The following FAM177A1 variants were observed in gnomAD, a reference collection of about 807,000 sequenced individuals.
FAM177A1 encodes the protein protein FAM177A1.
FAM177A1 carries 22 observed loss-of-function variants against 26.1 expected under a neutral mutation model. The ratio of observed to expected loss-of-function variants is 0.84; its 90% CI spans 0.60 to 1.20. The LOEUF is 1.20. Ranked by LOEUF, FAM177A1 falls within the 50% of genes most tolerant of loss-of-function variation. The pLI, the probability that FAM177A1 is intolerant of heterozygous loss-of-function variation, is 0.00. For synonymous variants in FAM177A1, 95 were observed against 99.3 expected, an observed-to-expected ratio of 0.96 and a Z score of 0.26; for missense variants, 296 against 291.1, an observed-to-expected ratio of 1.02 and a Z score of -0.12.
At chr14:35,051,907 C>CT (rs2044977805) in intron 1 of FAM177A1, among the ~76,000 whole-genome samples, 2 of 152,134 alleles carry the variant, frequency 1.3e-5, no homozygotes, top group South Asian at 4.1e-4. Context: ...CAGTATAATC[C>CT]TTTTTTTGCA....
At chr14:35,064,553 G>C (rs72680660) in intron 2 of FAM177A1, among the ~76,000 whole-genome samples, 2 of 152,040 alleles carry the variant, frequency 1.3e-5, no homozygotes, top group African/African-American at 4.8e-5. Context: ...AGTTAATGAA[G>C]AATTTATACT....
At chr14:35,060,162 A>G (rs1225199465) in intron 2 of FAM177A1, among the ~76,000 whole-genome samples, 3 of 147,766 alleles carry the variant, frequency 2.0e-5, no homozygotes, top group African/African-American at 7.5e-5. Context: ...TTTGGTAGAG[A>G]CTGGGTTTCA....
intron 1 of FAM177A1, among the ~76,000 whole-genome samples, chr14:35,051,308 CAG>C (rs1419607083): frequency 6.6e-6 from 1 of 151,944 alleles, no homozygotes; most frequent in Non-Finnish European, 1.5e-5. Flanking sequence ...TTAGTGGAGA[CAG>C]GGTTTCACCA....
intron 2 of FAM177A1, among the ~76,000 whole-genome samples, chr14:35,073,996 T>C (rs961066706): frequency 6.6e-6 from 1 of 152,230 alleles, no homozygotes; most frequent in African/African-American, 2.4e-5. Context: ...GCTGCTTCTC[T>C]TGTTTTGTTG....
chr14:35,073,062 C>T (rs1201301299), intron 2 of FAM177A1, among the ~76,000 whole-genome samples: 3 of 151,526 alleles, frequency 2.0e-5, no homozygotes, highest in African/African-American at 4.9e-5. Context: ...TATCAGGGTT[C>T]TCTTCTTCTT....
intron 2 of FAM177A1, among the ~76,000 whole-genome samples, chr14:35,072,935 C>G (rs539867376): frequency 4.0e-4 from 61 of 152,182 alleles, no homozygotes; most frequent in Non-Finnish European, 7.3e-4. Context: ...GTGCACAACA[C>G]TTGGGCACAG....
chr14:35,048,766 A>G (rs185710161), intron 1 of FAM177A1, among the ~76,000 whole-genome samples: 112 of 152,050 alleles, frequency 7.4e-4, no homozygotes, highest in African/African-American at 2.4e-3. Context: ...TCTATCTTAC[A>G]CTTCTTCCCA....
chr14:35,046,685 C>T, intron 1 of FAM177A1, 57 bp downstream of exon 1: 1 of 1,487,362 alleles, frequency 6.7e-7, no homozygotes, highest in Non-Finnish European at 9.0e-7. Flanking sequence ...CTTGCCTTCT[C>T]CGCGGGCCGC....
chr14:35,083,189 A>G lies in FAM177A1; in HGVS notation c.*1961A>G, dbSNP rs771571286. 4.6e-5 allele frequency: 7 copies of G among 152,656 alleles called. No homozygotes were observed. The highest frequency in any genetic ancestry group is 4.6e-4 in the Admixed American group (7 of 15,268). 9.5% of individuals were successfully genotyped at this position (152,656 alleles called of 1,614,324 possible). On this transcript the variant is annotated 3_prime_UTR_variant, in exon 5 of 5. Coordinates refer to ENST00000280987, the MANE Select transcript of FAM177A1 (RefSeq NM_173607.5). ...ATCCTGTCTCCCTAGAGGTACTAGT[A>G]TCTAGAGTTTACCCAGAAAATTTTA...
At chr14:35,051,495 A>G (rs1459949837) in intron 1 of FAM177A1, among the ~76,000 whole-genome samples, 1 of 152,002 alleles carries the variant, frequency 6.6e-6, no homozygotes, top group Non-Finnish European at 1.5e-5. Flanking sequence ...TCACTGCAAC[A>G]TCCACCTCCT....
chr14:35,065,155 C>T (rs545297345), intron 2 of FAM177A1, among the ~76,000 whole-genome samples: 3 of 151,032 alleles, frequency 2.0e-5, no homozygotes, highest in Non-Finnish European at 4.4e-5. Context: ...CCTTAAATAA[C>T]TATAATATTT....
chr14:35,078,351 G>A (rs978086658), intron 3 of FAM177A1, among the ~76,000 whole-genome samples: 1 of 152,042 alleles, frequency 6.6e-6, no homozygotes, highest in African/African-American at 2.4e-5. Context: ...AGCTTTCTGA[G>A]TATACATTTT....
In FAM177A1 at chr14:35,068,773, G is replaced by C. The variant is rs550839820; in HGVS notation, c.340-8377G>C. Among the ~76,000 whole-genome samples the C allele has an allele frequency of 4.6e-5, 7 of 152,298 alleles. No individual in the cohort carries two copies. In the East Asian group the frequency reaches 1.3e-3, roughly 29 times the overall value. ...ATTAATAAAGAACAGAACTTCATTGGCTTACAGTTGTGGAGGCTGGGAAGT... is the reference window on the plus strand; with the variant it reads ...ATTAATAAAGAACAGAACTTCATTGCCTTACAGTTGTGGAGGCTGGGAAGT... On this transcript the variant is annotated intron_variant, in intron 2 of 4. Coordinates refer to ENST00000280987, the MANE Select transcript of FAM177A1 (RefSeq NM_173607.5).
intron 2 of FAM177A1, among the ~76,000 whole-genome samples, chr14:35,065,065 AT>A (rs141236387): frequency 0.16 from 24,859 of 150,714 alleles, 2,273 homozygotes; most frequent in African/African-American, 0.23. Flanking sequence ...CTGTCACCAT[AT>A]TTTTTTTTGT....
chr14:35,056,955 G>A (rs901337392), intron 2 of FAM177A1, among the ~76,000 whole-genome samples: 2 of 151,694 alleles, frequency 1.3e-5, no homozygotes, highest in African/African-American at 4.8e-5. Context: ...CTTTCTTTTT[G>A]GTCAATCTAG....
At chr14:35,045,720 A>C (rs754957847), upstream of FAM177A1, among the ~76,000 whole-genome samples, 1 of 152,140 alleles carries the variant, frequency 6.6e-6, no homozygotes, top group Admixed American at 6.6e-5. Context: ...GACGGAAAAA[A>C]TCTGGGACGC....
At position 35,053,039 on chromosome 14, in the gene FAM177A1, CA is replaced by C. The variant is rs779923361; in HGVS notation, c.166-237del. ...CAAGACATCTGGAAGTTCAGAGATA[CA>C]ATGCTGATAATCTGCTTTCCAGATT... On this transcript the variant is annotated intron_variant, in intron 1 of 4. Transcript: ENST00000280987. 1.0e-3 allele frequency among the ~76,000 whole-genome samples: 157 copies of C among 152,276 alleles called. 1 individual carries two copies. The highest frequency in any genetic ancestry group is 6.0e-3 in the Admixed American group (92 of 15,288).
chr14:35,051,105 A>G (rs1006022091), intron 1 of FAM177A1, among the ~76,000 whole-genome samples: 3 of 151,962 alleles, frequency 2.0e-5, no homozygotes, highest in African/African-American at 4.8e-5. Context: ...ACCAAATTTT[A>G]TTTTTTAAGA....
chr14:35,079,973 A>G (rs1595060333), intron 4 of FAM177A1, among the ~76,000 whole-genome samples: 2 of 152,336 alleles, frequency 1.3e-5, no homozygotes, highest in East Asian at 3.9e-4. Flanking sequence ...TTTTATGAAC[A>G]AATAAGTATT....
Sources: gnomAD v4.1 joint callset for allele counts (sites outside exome capture counted in the v4.1 genomes callset) on GRCh38, gnomAD v4.1.1 for gene constraint, MANE v1.5 for transcripts, NCBI Gene and HGNC (gene_info 2026-07-23, HGNC 2026-07-21) for gene names.